The following MS4A4E variants were observed in gnomAD, a reference collection of about 807,000 sequenced individuals.
MS4A4E encodes membrane spanning 4-domains A4E.
Under a neutral mutation model 13.3 loss-of-function variants are expected in MS4A4E, and 23 were observed. The ratio of observed to expected loss-of-function variants is 1.73; its 90% CI spans 1.25 to 2.45. The LOEUF is 2.45. Among genes scored for constraint, MS4A4E ranks in the 30% most tolerant of loss-of-function variants. MS4A4E has a pLI of 0.00. For missense variants in MS4A4E, 144 were observed against 131.2 expected, an observed-to-expected ratio of 1.10 and a Z score of -0.48; for synonymous variants, 36 against 45.6, an observed-to-expected ratio of 0.79 and a Z score of 0.85.
At chr11:60,225,488 GA>G (rs1364583634) in intron 3 of MS4A4E, among the ~76,000 whole-genome samples, 5 of 152,024 alleles carry the variant, frequency 3.3e-5, no homozygotes, top group South Asian at 4.1e-4. Context: ...TACAAGGGAA[GA>G]AAAAAAGAAG....
At chr11:60,203,657 G>A (rs960151040) in intron 8 of MS4A4E, among the ~76,000 whole-genome samples, 41 of 152,284 alleles carry the variant, frequency 2.7e-4, no homozygotes, top group Admixed American at 2.0e-4. Flanking sequence ...GCTGAGGTGC[G>A]AGGATGGCTT....
chr11:60,227,118 A>G (rs1343071414), intron 3 of MS4A4E, among the ~76,000 whole-genome samples: 3 of 52,276 alleles, frequency 5.7e-5, no homozygotes, highest in Non-Finnish European at 1.3e-4. Flanking sequence ...CAAAATCTAT[A>G]AGAGAAACTT....
At chr11:60,206,512 T>TGTATATATATATATGTATATATATATAC (rs1554983301) in intron 6 of MS4A4E, among the ~76,000 whole-genome samples, 1 of 98,330 alleles carries the variant, frequency 1.0e-5, no homozygotes, top group Non-Finnish European at 1.9e-5. Flanking sequence ...TATATATATA[T>TGTATATATATATATGTATATATATATAC]ACACACACAC....
chr11:60,206,491 A>ATATATATATATG (rs1565116712), intron 6 of MS4A4E, among the ~76,000 whole-genome samples: 3 of 83,600 alleles, frequency 3.6e-5, no homozygotes, highest in African/African-American at 1.4e-4. Flanking sequence ...ATATATATGT[A>ATATATATATATG]TATATATACG....
chr11:60,229,879 A>G, intron 2 of MS4A4E, 33 bp downstream of exon 2: 2 of 1,565,626 alleles, frequency 1.3e-6, no homozygotes, highest in Non-Finnish European at 1.7e-6. Context: ...TTACAACACT[A>G]TTGGTCTTCT....
intron 6 of MS4A4E, among the ~76,000 whole-genome samples, chr11:60,206,245 C>T (rs760110102): frequency 5.3e-5 from 8 of 151,804 alleles, no homozygotes; most frequent in South Asian, 2.1e-4. Context: ...ATGGAGACCT[C>T]GTTTTAGCAA....
intron 1 of MS4A4E, among the ~76,000 whole-genome samples, chr11:60,232,302 C>CACACACACACACACACAT (rs2084420473): frequency 6.7e-6 from 1 of 149,822 alleles, no homozygotes; most frequent in Admixed American, 6.7e-5. Context: ...CACACACACA[C>CACACACACACACACACAT]ACACACACAC....
At chr11:60,212,273 C>T (rs1226091280) in intron 5 of MS4A4E, among the ~76,000 whole-genome samples, 1 of 149,748 alleles carries the variant, frequency 6.7e-6, no homozygotes, top group Admixed American at 6.6e-5. Context: ...CTGTTCAAGA[C>T]AATTTTACTT....
chr11:60,207,665 G>A (rs984679623), intron 6 of MS4A4E, among the ~76,000 whole-genome samples: 4 of 152,174 alleles, frequency 2.6e-5, no homozygotes, highest in Admixed American at 1.3e-4. Context: ...CAGACTTTGG[G>A]TAATGAAGCT....
intron 4 of MS4A4E, 30 bp from the exon 5 acceptor site, chr11:60,213,162 T>C: frequency 3.4e-6 from 3 of 886,620 alleles, no homozygotes; most frequent in African/African-American, 3.4e-5. Flanking sequence ...AATTAAGCAA[T>C]CCAACATCAT....
rs868502617 is a variant in MS4A4E at position 60,201,056 on chromosome 11, C to A, written c.*487G>T. Among the ~76,000 whole-genome samples the A allele has an allele frequency of 7.1e-6, 1 of 140,316 alleles. No individual in the cohort carries two copies. The highest frequency in any genetic ancestry group is 2.7e-5 in the African/African-American group (1 of 37,368). 92.1% of individuals were successfully genotyped at this position (140,316 alleles called of 152,430 possible). On this transcript the variant is annotated 3_prime_UTR_variant, in exon 9 of 9. Transcript: ENST00000651255. ...CTCCCTCCCAGACGTGGTGGCTGGCCGGGTGGGGGGCTGAACCCCCCACCT... is the reference window on the plus strand; with the variant it reads ...CTCCCTCCCAGACGTGGTGGCTGGCAGGGTGGGGGGCTGAACCCCCCACCT...
chr11:60,237,243 C>T (rs2084494858), intron 1 of MS4A4E, among the ~76,000 whole-genome samples: 2 of 152,120 alleles, frequency 1.3e-5, no homozygotes, highest in Non-Finnish European at 2.9e-5. Flanking sequence ...TAATGGCCTC[C>T]AGCTCTATCC....
Position 60,229,919 on chromosome 11 carries a change from A to C in MS4A4E, c.137T>G (p.Val46Gly). 6.2e-7 allele frequency: 1 copy of C among 1,604,938 alleles called. No homozygotes were observed. The highest frequency in any genetic ancestry group is 8.5e-7 in the Non-Finnish European group (1 of 1,175,158). ...QEKFFKRKPK[V>G]LGVLCGHKFS... ...GATTTGCAATTGACTTACCCCAAGGACTTTGGGTTTCCTCTTGAAGAACTT... is the reference window on the plus strand; with the variant it reads ...GATTTGCAATTGACTTACCCCAAGGCCTTTGGGTTTCCTCTTGAAGAACTT... Residue 46 changes from valine to glycine, a missense_variant, in exon 2 of 9, where the codon GTC becomes GGC. Transcript: ENST00000651255.
At chr11:60,225,019 A>C (rs184022290) in intron 3 of MS4A4E, 5 of 1,551,078 alleles carry the variant, frequency 3.2e-6, no homozygotes, top group Non-Finnish European at 4.3e-6. Context: ...GATGTTCTTC[A>C]TAAGAACTAA....
chr11:60,212,904 T>A (rs1052695772), intron 5 of MS4A4E, among the ~76,000 whole-genome samples, 70 bp downstream of exon 5: 14 of 152,224 alleles, frequency 9.2e-5, no homozygotes, highest in Non-Finnish European at 1.5e-4. Flanking sequence ...TAATTATTGT[T>A]GTTGCCAGAG....
intron 1 of MS4A4E, among the ~76,000 whole-genome samples, chr11:60,242,541 A>C (rs1192760732): frequency 1.3e-5 from 2 of 152,198 alleles, no homozygotes; most frequent in Admixed American, 1.3e-4. Context: ...TCTTTTCTTA[A>C]GTCTTGAATT....
intron 1 of MS4A4E, among the ~76,000 whole-genome samples, chr11:60,242,432 A>G (rs189713467): frequency 1.3e-5 from 2 of 152,320 alleles, no homozygotes; most frequent in Non-Finnish European, 2.9e-5. Context: ...GCCAAAGACC[A>G]CTGGAGAACT....
chr11:60,200,513 A>G lies in MS4A4E; in HGVS notation c.*1030T>C, dbSNP rs1429552098. Among the ~76,000 whole-genome samples, 1 of 152,144 alleles carries G rather than the reference A, an allele frequency of 6.6e-6. No individual in the cohort carries two copies. The highest frequency in any genetic ancestry group is 1.5e-5 in the Non-Finnish European group (1 of 68,020). On this transcript the variant is annotated 3_prime_UTR_variant, in exon 9 of 9. Transcript: ENST00000651255. ...GACTCTTAACGAGCATGCTGCCTTCAAGCATCTGTTTAACAAAGCACACCT... is the reference window on the plus strand; with the variant it reads ...GACTCTTAACGAGCATGCTGCCTTCGAGCATCTGTTTAACAAAGCACACCT...
Position 60,213,402 on chromosome 11 carries a change from A to G in MS4A4E, c.223-270T>C, listed in dbSNP as rs191058424. 538 of 1,125,030 alleles carry G rather than the reference A, an allele frequency of 4.8e-4. 2 individuals carry two copies. The African/African-American group carries it at 7.0e-3, about 15-fold the overall frequency. The allele number at this position is 1,125,030 out of a possible 1,614,324, so 69.7% of individuals were successfully genotyped here. A position where few individuals can be genotyped will look rare whatever the true frequency, so the allele number is the denominator to read the frequency against. ...CAATGATTTTTTACACATTAGCTGG[A>G]CAGTCATGTCTGTGTCCTTCCCTGC... On this transcript the variant is annotated intron_variant, in intron 4 of 8. Coordinates refer to ENST00000651255, the MANE Select transcript of MS4A4E (RefSeq NM_001393391.1).
Sources: allele counts gnomAD v4.1 joint callset (sites outside exome capture counted in the v4.1 genomes callset), GRCh38; gene constraint gnomAD v4.1.1; transcripts MANE v1.5; gene names NCBI Gene and HGNC (gene_info 2026-07-23, HGNC 2026-07-21).